TLL2: variants seen among roughly 807,000 people sequenced by gnomAD.
The protein encoded by TLL2 is tolloid like 2.
TLL2 carries 106 observed loss-of-function variants against 123.0 expected under a neutral mutation model. The ratio of observed to expected loss-of-function variants is 0.86; its 90% CI spans 0.74 to 1.01. The LOEUF is 1.01. Ranked by LOEUF, TLL2 falls within the 50% of genes least tolerant of loss-of-function variation. TLL2 has a pLI of 0.00. For synonymous variants in TLL2, 494 were observed against 516.8 expected (o/e 0.96, Z 0.60); for missense variants, 1,332 against 1,336.7 (o/e 1.00, Z 0.06).
intron 1 of TLL2, among the ~76,000 whole-genome samples, chr10:96,491,814 G>A (rs985627803): frequency 3.3e-5 from 5 of 152,202 alleles, no homozygotes; most frequent in African/African-American, 1.2e-4. Flanking sequence ...CTGATTTCAG[G>A]TCACTGAACA....
At chr10:96,419,439 C>T (rs1392050699) in intron 7 of TLL2, among the ~76,000 whole-genome samples, 1 of 152,184 alleles carries the variant, frequency 6.6e-6, no homozygotes, top group East Asian at 1.9e-4. Context: ...CACAGGAGAA[C>T]TATGACTAGA....
intron 1 of TLL2, among the ~76,000 whole-genome samples, chr10:96,503,075 C>A (rs897690072): frequency 6.6e-6 from 1 of 152,050 alleles, no homozygotes; most frequent in Non-Finnish European, 1.5e-5. Context: ...CCATGAGAAA[C>A]CTGCTTCTAC....
At chr10:96,445,947 TA>T in intron 3 of TLL2, 143 bp downstream of exon 3, 2 of 814,032 alleles carry the variant, frequency 2.5e-6, no homozygotes, top group East Asian at 2.5e-5. Context: ...TGGAACTCAA[TA>T]GGGGTAATGG....
At chr10:96,409,494 G>A (rs551698573) in intron 9 of TLL2, among the ~76,000 whole-genome samples, 9 of 152,288 alleles carry the variant, frequency 5.9e-5, no homozygotes, top group Non-Finnish European at 1.3e-4. Flanking sequence ...AAAAAGATAA[G>A]CTTTGGAGAG....
At chr10:96,379,842 A>G (rs1846170638) in intron 16 of TLL2, among the ~76,000 whole-genome samples, 1 of 152,176 alleles carries the variant, frequency 6.6e-6, no homozygotes, top group South Asian at 2.1e-4. Flanking sequence ...ACAAAACAAA[A>G]ACAAGTAAGG....
intron 7 of TLL2, among the ~76,000 whole-genome samples, chr10:96,413,639 G>A (rs554005067): frequency 6.6e-6 from 1 of 152,276 alleles, no homozygotes; most frequent in East Asian, 1.9e-4. Flanking sequence ...CCAGACCCCG[G>A]AGAGACCACG....
At chr10:96,394,844 T>C (rs1047055294) in intron 13 of TLL2, among the ~76,000 whole-genome samples, 2 of 152,240 alleles carry the variant, frequency 1.3e-5, no homozygotes, top group African/African-American at 4.8e-5. Context: ...CCTTACACAG[T>C]TCTTGGTACA....
intron 3 of TLL2, among the ~76,000 whole-genome samples, chr10:96,443,210 G>A (rs766473370): frequency 1.1e-4 from 17 of 152,192 alleles, no homozygotes; most frequent in Admixed American, 5.9e-4. Flanking sequence ...CACTTCTCTC[G>A]TGAAGGAGTA....
At position 96,420,420 on chromosome 10, in the gene TLL2, T is replaced by G. The variant is rs541538372; in HGVS notation, c.923+536A>C. 3.9e-5 allele frequency among the ~76,000 whole-genome samples: 6 copies of G among 152,360 alleles called. No homozygotes were observed. The East Asian group carries it at 5.8e-4, about 15-fold the overall frequency. On this transcript the variant is annotated intron_variant, in intron 7 of 20. Coordinates refer to ENST00000357947, the MANE Select transcript of TLL2 (RefSeq NM_012465.4). ...CCCTACTTGAATACAGCGGCTTCCA[T>G]CATCTGTGACCTGCAGGTGGGAACC...
At chr10:96,511,223 A>T (rs1378738012) in intron 1 of TLL2, among the ~76,000 whole-genome samples, 1 of 152,228 alleles carries the variant, frequency 6.6e-6, no homozygotes, top group Non-Finnish European at 1.5e-5. Flanking sequence ...TAAATATGCA[A>T]CCAGGAAATG....
intron 16 of TLL2, among the ~76,000 whole-genome samples, chr10:96,380,692 CAAAAAAA>C (rs57395382): frequency 7.5e-5 from 4 of 53,060 alleles, no homozygotes; most frequent in Admixed American, 2.8e-4. Context: ...GACTCTATCT[CAAAAAAA>C]AAAAAAAAAA....
chr10:96,455,145 C>T (rs921972739), intron 2 of TLL2, among the ~76,000 whole-genome samples: 1 of 152,044 alleles, frequency 6.6e-6, no homozygotes, highest in African/African-American at 2.4e-5. Context: ...GGGAGGCTGG[C>T]GTGAACCTGG....
chr10:96,464,509 A>G (rs1847110348), intron 2 of TLL2, among the ~76,000 whole-genome samples: 1 of 152,122 alleles, frequency 6.6e-6, no homozygotes, highest in Non-Finnish European at 1.5e-5. Flanking sequence ...TGGCCTTGTG[A>G]GCGGCAGCAG....
rs1015404394 is a variant in TLL2, at chr10:96,384,586, C to A, written c.2194+1G>T. Reference sequence around the variant, plus strand: ...TCAGCCTCACCTCTGAACCCGCATACCTGAGAAGAAGTGGGCCCTGAAGCC... The same window carrying A: ...TCAGCCTCACCTCTGAACCCGCATAACTGAGAAGAAGTGGGCCCTGAAGCC... On this transcript the variant is annotated splice_donor_variant, in intron 16 of 20. Transcript: ENST00000357947. LOFTEE classifies it high-confidence loss of function. 1.9e-6 allele frequency: 3 copies of A among 1,584,606 alleles called. No homozygotes were observed. Among genetic ancestry groups the A allele is most frequent in the African/African-American group, 2.7e-5 (2 of 74,218 alleles).
In TLL2 at chr10:96,367,796, A is replaced by G; in HGVS notation, c.*292T>C. The G allele has an allele frequency of 6.4e-6, 2 of 313,708 alleles. No homozygotes were observed. The highest frequency in any genetic ancestry group is 8.1e-5 in the Admixed American group (2 of 24,750). The allele number at this position is 313,708 out of a possible 1,614,324, so 19.4% of individuals were successfully genotyped here. On this transcript the variant is annotated 3_prime_UTR_variant, in exon 21 of 21. Transcript: ENST00000357947. ...AGGAGCAAGGGACAAGGAGAATGGT[A>G]TGAAGAAGCATAGCCGGAATGGTCA...
At chr10:96,499,258 T>A (rs1179937420) in intron 1 of TLL2, among the ~76,000 whole-genome samples, 1 of 152,156 alleles carries the variant, frequency 6.6e-6, no homozygotes, top group African/African-American at 2.4e-5. Context: ...TCCCTGCTGG[T>A]CAGTATCTCA....
chr10:96,476,240 A>ATATATATATATATTCTTTTTTTTT, intron 2 of TLL2, among the ~76,000 whole-genome samples: 4 of 20,492 alleles, frequency 2.0e-4, no homozygotes, highest in African/African-American at 5.2e-4. Flanking sequence ...ATATATATAT[A>ATATATATATATATTCTTTTTTTTT]TTTTATTTTT....
At chr10:96,443,134 G>A (rs914767689) in intron 3 of TLL2, among the ~76,000 whole-genome samples, 2 of 152,164 alleles carry the variant, frequency 1.3e-5, no homozygotes, top group East Asian at 1.9e-4. Flanking sequence ...GCAGAGGCAA[G>A]GGGGGAAGGT....
At chr10:96,449,401 T>A (rs1846932342) in intron 2 of TLL2, among the ~76,000 whole-genome samples, 1 of 152,180 alleles carries the variant, frequency 6.6e-6, no homozygotes, top group African/African-American at 2.4e-5. Context: ...AGAAGACATA[T>A]GAAGTCATGG....
Sources: gnomAD v4.1 joint callset for allele counts (sites outside exome capture counted in the v4.1 genomes callset) on GRCh38, gnomAD v4.1.1 for gene constraint, MANE v1.5 for transcripts, NCBI Gene and HGNC (gene_info 2026-07-23, HGNC 2026-07-21) for gene names.